Variants in GRM5 observed in about 807,000 individuals in gnomAD.
The protein encoded by GRM5 is glutamate metabotropic receptor 5.
GRM5 carries 19 observed loss-of-function variants against 83.1 expected under a neutral mutation model. That is an observed-to-expected ratio of 0.23 (90% CI 0.16 to 0.34). The LOEUF (loss-of-function observed/expected upper bound fraction) is 0.34. GRM5 is among the 10% of genes least tolerant of loss of function. GRM5 has a pLI of 1.00. For missense variants in GRM5, 1,160 were observed against 1,588.3 expected, an observed-to-expected ratio of 0.73 and a Z score of 4.58; for synonymous variants, 675 against 633.6, an observed-to-expected ratio of 1.07 and a Z score of -0.98.
At chr11:88,739,023 T>G (rs546901193) in intron 3 of GRM5, among the ~76,000 whole-genome samples, 2 of 152,224 alleles carry the variant, frequency 1.3e-5, no homozygotes, top group Admixed American at 1.3e-4. Context: ...TTAGAATACA[T>G]TTCTATATTT....
intron 2 of GRM5, among the ~76,000 whole-genome samples, chr11:88,940,229 C>T (rs1167260819): frequency 6.6e-6 from 1 of 151,016 alleles, no homozygotes; most frequent in Non-Finnish European, 1.5e-5. Flanking sequence ...TGTGTTCTAG[C>T]ATCTATTTGC....
At chr11:89,025,397 T>A (rs2135116000) in intron 2 of GRM5, among the ~76,000 whole-genome samples, 1 of 151,384 alleles carries the variant, frequency 6.6e-6, no homozygotes, top group African/African-American at 2.4e-5. Flanking sequence ...TCAGTGAGAG[T>A]GAAAATATGA....
At chr11:88,860,557 T>C (rs145869750) in intron 2 of GRM5, among the ~76,000 whole-genome samples, 191 of 152,260 alleles carry the variant, frequency 1.3e-3, no homozygotes, top group Middle Eastern at 3.4e-3. Context: ...GAAAATCCTC[T>C]ACAGCGCAGC....
chr11:88,754,905 A>G (rs1344302389), intron 3 of GRM5, among the ~76,000 whole-genome samples: 3 of 151,994 alleles, frequency 2.0e-5, no homozygotes, highest in Non-Finnish European at 4.4e-5. Flanking sequence ...GCTCCTAAAG[A>G]CTTCAGCTTA....
chr11:88,669,691 A>AT (rs1423198864), intron 3 of GRM5, among the ~76,000 whole-genome samples: 3 of 151,886 alleles, frequency 2.0e-5, no homozygotes, highest in South Asian at 4.1e-4. Context: ...AAATTTAAAT[A>AT]TATTACTTAA....
chr11:88,955,950 A>G (rs1299696023), intron 2 of GRM5, among the ~76,000 whole-genome samples: 1 of 152,240 alleles, frequency 6.6e-6, no homozygotes. Context: ...AAGTTCCTAT[A>G]AGATAGGTTC....
chr11:88,925,739 A>G (rs1160852301), intron 2 of GRM5: 1 of 453,548 alleles, frequency 2.2e-6, no homozygotes, highest in Non-Finnish European at 4.4e-6. Flanking sequence ...TGACAAAACC[A>G]CAACTCTACT....
chr11:88,597,621 G>A (rs1937852614), intron 5 of GRM5, among the ~76,000 whole-genome samples: 2 of 152,060 alleles, frequency 1.3e-5, no homozygotes, highest in African/African-American at 4.8e-5. Flanking sequence ...AGACAGTTTC[G>A]AAATAACTTC....
intron 1 of GRM5, among the ~76,000 whole-genome samples, chr11:89,051,234 C>A (rs565715926): frequency 7.4e-5 from 11 of 149,066 alleles, no homozygotes; most frequent in South Asian, 2.2e-4. Context: ...CCAGCCTGGG[C>A]GGCAGAGAGA....
intron 2 of GRM5, among the ~76,000 whole-genome samples, chr11:88,896,015 G>A (rs1188168254): frequency 1.3e-4 from 19 of 151,930 alleles, no homozygotes; most frequent in Non-Finnish European, 2.6e-4. Flanking sequence ...AGGTTCTCCA[G>A]GCAAAGAAAT....
intron 2 of GRM5, among the ~76,000 whole-genome samples, chr11:88,915,409 G>A (rs184739358): frequency 5.7e-4 from 86 of 152,154 alleles, no homozygotes; most frequent in African/African-American, 1.9e-3. Flanking sequence ...GGTCATATTA[G>A]AATAAATTAG....
At chr11:88,976,591 T>C (rs1330724994) in intron 2 of GRM5, among the ~76,000 whole-genome samples, 1 of 152,158 alleles carries the variant, frequency 6.6e-6, no homozygotes, top group African/African-American at 2.4e-5. Flanking sequence ...ATGTAAATTT[T>C]ACCCATAATA....
At chr11:88,818,038 C>T (rs1373011456) in intron 3 of GRM5, among the ~76,000 whole-genome samples, 1 of 151,958 alleles carries the variant, frequency 6.6e-6, no homozygotes, top group Non-Finnish European at 1.5e-5. Flanking sequence ...ATTTTCATTA[C>T]TTAAACTAAT....
chr11:88,690,445 A>G (rs1940753899), intron 3 of GRM5, among the ~76,000 whole-genome samples: 1 of 152,168 alleles, frequency 6.6e-6, no homozygotes, highest in Non-Finnish European at 1.5e-5. Flanking sequence ...GATATTATGC[A>G]CAACTCCCCA....
At chr11:88,595,118 T>A (rs190540249) in intron 6 of GRM5, among the ~76,000 whole-genome samples, 1 of 152,172 alleles carries the variant, frequency 6.6e-6, no homozygotes, top group Non-Finnish European at 1.5e-5. Flanking sequence ...TTATACTCTT[T>A]ATTTTTTTCA....
chr11:88,765,395 GAAAAAAA>G (rs58232495), intron 3 of GRM5, among the ~76,000 whole-genome samples: 4,947 of 123,472 alleles, frequency 0.04, 226 homozygotes, highest in Admixed American at 0.16. Context: ...AAGACAATTT[GAAAAAAA>G]AAAAAAAAAA....
intron 2 of GRM5, among the ~76,000 whole-genome samples, chr11:88,887,713 T>A (rs1328975091): frequency 6.6e-6 from 1 of 152,116 alleles, no homozygotes; most frequent in Non-Finnish European, 1.5e-5. Context: ...TTTTGTCATT[T>A]CTCTTTCTAG....
At chr11:88,627,382 A>T (rs7123774) in intron 4 of GRM5, among the ~76,000 whole-genome samples, 151,354 of 152,268 alleles carry the variant, frequency 0.99, 75,233 homozygotes, top group East Asian at 1. Context: ...TGTGGCACAT[A>T]TTTTAGGTCT....
rs1317303714 is a variant in GRM5, at chr11:88,689,423, CA to C, written c.912-36021del. Reference sequence around the variant, plus strand: ...GAATAACTGAGATGTATAAGCCATACAAAAATGGCAGAAGAACTGAAGTGAT... The same window carrying C: ...GAATAACTGAGATGTATAAGCCATACAAAATGGCAGAAGAACTGAAGTGAT... On this transcript the variant is annotated intron_variant, in intron 3 of 9. Transcript: ENST00000305447. 1.3e-5 allele frequency among the ~76,000 whole-genome samples: 2 copies of C among 152,112 alleles called. 1 individual carries two copies. The highest frequency in any genetic ancestry group is 4.2e-4 in the South Asian group (2 of 4,812).
Sources: gnomAD v4.1 joint callset for allele counts (sites outside exome capture counted in the v4.1 genomes callset) on GRCh38, gnomAD v4.1.1 for gene constraint, MANE v1.5 for transcripts, NCBI Gene and HGNC (gene_info 2026-07-23, HGNC 2026-07-21) for gene names.